Variants in NBAS observed in about 807,000 individuals in gnomAD.
NBAS encodes NBAS subunit of NRZ tethering complex, also known as NAG/BC035112 fusion.
In NBAS, 219 loss-of-function variants were observed where a neutral mutation model predicts 302.5. The observed-to-expected ratio is 0.72, with a 90% CI of 0.65 to 0.81. The LOEUF is 0.81. Ranked by LOEUF, NBAS falls within the 30% of genes least tolerant of loss-of-function variation. The pLI, the probability that NBAS is intolerant of heterozygous loss-of-function variation, is 0.00. For synonymous variants in NBAS, 1,118 were observed against 1,021.6 expected (o/e 1.09, Z -1.80); for missense variants, 2,932 against 2,841.6 (o/e 1.03, Z -0.72).
chr2:15,170,493 GC>G (rs1391874548), intron 51 of NBAS, among the ~76,000 whole-genome samples: 2 of 152,200 alleles, frequency 1.3e-5, no homozygotes, highest in African/African-American at 4.8e-5. Flanking sequence ...ATAAAGGTCT[GC>G]GTTTGCTGAC....
At chr2:14,870,639 A>G in the NBAS span, among the ~76,000 whole-genome samples, 3 of 145,094 alleles carry the variant, frequency 2.1e-5, no homozygotes, top group East Asian at 2.0e-4. Context: ...CCTAGGAGTG[A>G]AAAAAAAAAG....
At chr2:15,319,370 TAGC>T (rs1190452376) in intron 38 of NBAS, among the ~76,000 whole-genome samples, 4 of 152,142 alleles carry the variant, frequency 2.6e-5, no homozygotes, top group African/African-American at 9.6e-5. Flanking sequence ...ATGTAAAAGC[TAGC>T]AGAAGGCAAG....
At chr2:15,113,211 A>C in the NBAS span, among the ~76,000 whole-genome samples, 2 of 152,082 alleles carry the variant, frequency 1.3e-5, no homozygotes, top group Non-Finnish European at 2.9e-5. Context: ...CCTTGAGAAC[A>C]AGAATTTTCT....
At chr2:14,842,112 G>A in the NBAS span, among the ~76,000 whole-genome samples, 5 of 151,816 alleles carry the variant, frequency 3.3e-5, no homozygotes, top group Admixed American at 3.3e-4. Context: ...AATTAAGAGG[G>A]AAATTTTCAA....
At position 15,415,674 on chromosome 2, in the gene NBAS, G is replaced by T; in HGVS notation, c.2809C>A (p.Pro937Thr). The change falls in exon 25 of 52, where the codon CCC (proline) becomes ACC (threonine). Residue 937 changes from proline to threonine, a missense_variant. Pro to Thr is a conservative substitution (Grantham distance 38, BLOSUM62 -1). Coordinates refer to ENST00000281513, the MANE Select transcript of NBAS (RefSeq NM_015909.4). ...TGTTTCTCACAACGATGAAGAAAGG[G>T]AACCATCCACTGGTAGGCACTTGTC... ...YVTSAYQWMV[P>T]FLHRCEKQSP... The T allele has an allele frequency of 6.2e-7, 1 of 1,614,120 alleles. No individual in the cohort carries two copies. The highest frequency in any genetic ancestry group is 1.1e-5 in the South Asian group (1 of 91,074).
the NBAS span, among the ~76,000 whole-genome samples, chr2:14,818,571 C>T: frequency 6.6e-6 from 1 of 152,150 alleles, no homozygotes; most frequent in Admixed American, 6.5e-5. Context: ...TCTCTCTCAA[C>T]AGAAATTAAT....
At chr2:15,553,543 G>T in intron 4 of NBAS, 70 bp from the exon 5 acceptor site, 1 of 1,319,054 alleles carries the variant, frequency 7.6e-7, no homozygotes, top group Non-Finnish European at 1.1e-6. Context: ...AGCACAGATG[G>T]AATTATTTAA....
chr2:15,107,665 T>C, the NBAS span, among the ~76,000 whole-genome samples: 2 of 152,156 alleles, frequency 1.3e-5, no homozygotes, highest in East Asian at 3.9e-4. Flanking sequence ...GACAGACTTC[T>C]TTTAAAAATT....
chr2:15,402,476 A>T (rs1231681381), intron 25 of NBAS, among the ~76,000 whole-genome samples, 175 bp from the exon 26 acceptor site: 4 of 152,188 alleles, frequency 2.6e-5, no homozygotes, highest in African/African-American at 9.6e-5. Flanking sequence ...CTGAAATCAC[A>T]TTTTAATTAC....
chr2:15,423,066 T>C (rs1398239414), intron 23 of NBAS, among the ~76,000 whole-genome samples: 1 of 152,224 alleles, frequency 6.6e-6, no homozygotes, highest in East Asian at 1.9e-4. Context: ...ACAGTTTTTT[T>C]TATACAGATT....
chr2:15,466,517 A>C (rs1442415928), intron 19 of NBAS, among the ~76,000 whole-genome samples: 2 of 152,216 alleles, frequency 1.3e-5, no homozygotes, highest in East Asian at 3.8e-4. Flanking sequence ...AATGCCCAAC[A>C]TGGGGACATC....
chr2:15,197,574 C>T (rs907107275), intron 48 of NBAS, among the ~76,000 whole-genome samples: 2 of 152,164 alleles, frequency 1.3e-5, no homozygotes, highest in African/African-American at 2.4e-5. Flanking sequence ...AGACGATCCT[C>T]AACTAATAAG....
the NBAS span, among the ~76,000 whole-genome samples, chr2:15,097,749 T>C: frequency 2.7e-5 from 4 of 150,614 alleles, no homozygotes; most frequent in Admixed American, 1.3e-4. Flanking sequence ...AACACCATCA[T>C]CCTGGGGGCT....
At chr2:14,912,702 TTAAAAAAA>T in the NBAS span, among the ~76,000 whole-genome samples, 1 of 101,276 alleles carries the variant, frequency 9.9e-6, no homozygotes, top group African/African-American at 3.7e-5. Flanking sequence ...GCATTCATTT[TTAAAAAAA>T]AAAAAAAAAA....
At chr2:15,178,811 G>A (rs902820023) in intron 51 of NBAS, among the ~76,000 whole-genome samples, 177 bp downstream of exon 51, 5 of 152,124 alleles carry the variant, frequency 3.3e-5, no homozygotes, top group Non-Finnish European at 7.4e-5. Flanking sequence ...GTAAGTGTTT[G>A]TAAAATAAAC....
chr2:15,323,016 G>A (rs181642052), intron 38 of NBAS, among the ~76,000 whole-genome samples: 201 of 152,000 alleles, frequency 1.3e-3, no homozygotes, highest in African/African-American at 4.5e-3. Flanking sequence ...TGTTTTTATC[G>A]CTCAATGATA....
At chr2:15,014,317 T>C in the NBAS span, among the ~76,000 whole-genome samples, 1 of 152,114 alleles carries the variant, frequency 6.6e-6, no homozygotes, top group African/African-American at 2.4e-5. Flanking sequence ...TTGCAGAATA[T>C]TGCACCCACC....
chr2:14,835,069 AT>A, the NBAS span, among the ~76,000 whole-genome samples: 110 of 152,188 alleles, frequency 7.2e-4, 1 homozygote, highest in African/African-American at 2.1e-3. Flanking sequence ...AGAAAGAAGG[AT>A]GAGTCAATGA....
intron 32 of NBAS, 65 bp downstream of exon 32, chr2:15,366,515 T>C (rs1674208124): frequency 7.0e-7 from 1 of 1,425,928 alleles, no homozygotes; most frequent in Admixed American, 1.7e-5. Flanking sequence ...TCTGCTATTG[T>C]CCTGCAATGA....
Sources: allele counts gnomAD v4.1 joint callset (sites outside exome capture counted in the v4.1 genomes callset), GRCh38; gene constraint gnomAD v4.1.1; transcripts MANE v1.5; gene names NCBI Gene and HGNC (gene_info 2026-07-23, HGNC 2026-07-21).